Variants in HNF4A observed in about 807,000 individuals in gnomAD.
HNF4A encodes the protein hepatocyte nuclear factor 4-alpha.
HNF4A carries 15 observed loss-of-function variants against 52.4 expected under a neutral mutation model. The ratio of observed to expected loss-of-function variants is 0.29; its 90% CI spans 0.19 to 0.44. The LOEUF is 0.44. HNF4A is among the 20% of genes least tolerant of loss of function. The pLI is 1.00. For missense variants in HNF4A, 479 were observed against 647.2 expected (o/e 0.74, Z 2.82); for synonymous variants, 280 against 264.4 (o/e 1.06, Z -0.57).
At chr20:44,412,904 A>G (rs1568729592) in intron 3 of HNF4A, among the ~76,000 whole-genome samples, 1 of 152,088 alleles carries the variant, frequency 6.6e-6, no homozygotes, top group Non-Finnish European at 1.5e-5. Context: ...CGGCACACAG[A>G]GTGGCAGGTT....
chr20:44,361,684 A>T (rs1444221551), intron 1 of HNF4A, among the ~76,000 whole-genome samples: 1 of 151,850 alleles, frequency 6.6e-6, no homozygotes, highest in Non-Finnish European at 1.5e-5. Context: ...TCTCAAAACC[A>T]AACCAAAACA....
intron 3 of HNF4A, among the ~76,000 whole-genome samples, chr20:44,412,576 C>A (rs1220194389): frequency 6.6e-6 from 1 of 152,020 alleles, no homozygotes; most frequent in Non-Finnish European, 1.5e-5. Context: ...TTGGAAGGCA[C>A]TGGTTTTGAG....
In HNF4A at chr20:44,407,381, A is replaced by T. The variant is rs1197867718; in HGVS notation, c.291A>T (p.Arg97Ser). The stretch of plus-strand genomic sequence containing the variant: ...TCCAACCATCCAAAGCCCTCCCCAG[A>T]TTTAGCCGGCAGTGCGTGGTGGACA... The change falls in exon 3 of 10, where the codon AGA becomes AGT. Residue 97 changes from arginine (R) to serine (S), a missense_variant and splice_region_variant. Physicochemically the swap from Arg to Ser is moderately radical, Grantham distance 110. This residue lies in a region of HNF4A where 389 missense variants were observed against 525.1 expected (regional missense o/e 0.74). Coordinates refer to ENST00000316099, the MANE Select transcript of HNF4A (RefSeq NM_000457.6). The T allele has an allele frequency of 6.2e-7, 1 of 1,609,064 alleles. No individual in the cohort carries two copies. The highest frequency in any genetic ancestry group is 8.5e-7 in the Non-Finnish European group (1 of 1,177,298).
rs1490937057 is a variant in HNF4A at position 44,404,911 on chromosome 20, G to A, written c.116-1147G>A. On this transcript the variant is annotated intron_variant, in intron 1 of 9. Transcript: ENST00000316099. ...GTGTGTGAACTGTGGTGTGTGTGGT[G>A]TGTGTGTGCTTGTGTGTGGTGTGTG... Among the ~76,000 whole-genome samples, 2 of 69,246 alleles carry A rather than the reference G, an allele frequency of 2.9e-5. 1 individual carries two copies. Among genetic ancestry groups the A allele is most frequent in the Non-Finnish European group, 5.8e-5 (2 of 34,502 alleles). The allele number at this position is 69,246 out of a possible 152,430, so 45.4% of individuals were successfully genotyped here. A position where few individuals can be genotyped will look rare whatever the true frequency, so the allele number is the denominator to read the frequency against.
intron 1 of HNF4A, among the ~76,000 whole-genome samples, chr20:44,360,763 C>T (rs1243947773): frequency 6.6e-6 from 1 of 152,200 alleles, no homozygotes; most frequent in African/African-American, 2.4e-5. Context: ...TGACCAATAG[C>T]ATCAGCTTGA....
At chr20:44,387,077 T>C (rs2063233797) in intron 1 of HNF4A, among the ~76,000 whole-genome samples, 1 of 151,184 alleles carries the variant, frequency 6.6e-6, no homozygotes, top group Admixed American at 6.6e-5. Context: ...CCGAGGTGGG[T>C]GGATCACCTG....
At chr20:44,362,589 A>G (rs1433243623) in intron 1 of HNF4A, among the ~76,000 whole-genome samples, 1 of 152,012 alleles carries the variant, frequency 6.6e-6, no homozygotes. Flanking sequence ...TGGCTATTTG[A>G]TATGTTTTCT....
chr20:44,419,722 C>A lies in HNF4A; in HGVS notation c.738C>A (p.Gly246=), dbSNP rs748537070. The A allele has an allele frequency of 1.9e-6, 3 of 1,613,832 alleles. No homozygotes were observed. Among genetic ancestry groups the A allele is most frequent in the East Asian group, 2.2e-5 (1 of 44,878 alleles). ...CTCCCTCCCTCCCAACCCTTCCAGG[C>A]AATGACTACATTGTCCCTCGGCACT... The change falls in exon 7 of 10, where the codon GGC becomes GGA. Residue 246 remains glycine, a splice_region_variant and synonymous_variant. Coordinates refer to ENST00000316099, the MANE Select transcript of HNF4A (RefSeq NM_000457.6).
chr20:44,387,660 G>GT (rs1191497316), intron 1 of HNF4A, among the ~76,000 whole-genome samples: 2 of 96,424 alleles, frequency 2.1e-5, no homozygotes, highest in East Asian at 3.0e-4. Flanking sequence ...GCAGGCGGGG[G>GT]GGGGGGGAGG....
chr20:44,416,613 C>A (rs1470174134), intron 5 of HNF4A, among the ~76,000 whole-genome samples: 1 of 152,220 alleles, frequency 6.6e-6, no homozygotes, highest in Non-Finnish European at 1.5e-5. Context: ...CTGTTTTCCT[C>A]ACAGGTTTCT....
intron 2 of HNF4A, 143 bp downstream of exon 2, chr20:44,406,375 T>C (rs1038806235): frequency 1.4e-5 from 10 of 719,844 alleles, no homozygotes; most frequent in Admixed American, 2.4e-5. Flanking sequence ...GTAAAAGACT[T>C]TGTGAATCCA....
chr20:44,397,481 ATCTTC>A (rs1438936218), upstream of HNF4A, among the ~76,000 whole-genome samples: 1 of 152,144 alleles, frequency 6.6e-6, no homozygotes, highest in Admixed American at 6.5e-5. Context: ...TACATTTCAG[ATCTTC>A]TCTTCTGGCT....
Position 44,385,869 on chromosome 20 carries a change from G to GT in HNF4A, c.50-20181dup, listed in dbSNP as rs771753314. 5.1e-3 allele frequency among the ~76,000 whole-genome samples: 764 copies of GT among 151,032 alleles called. 3 individuals are homozygous for GT. The highest frequency in any genetic ancestry group is 5.5e-3 in the Non-Finnish European group (374 of 67,726). On this transcript the variant is annotated intron_variant, in intron 1 of 9. Transcript: ENST00000316673. ...CCCCAGGCATCTGATTTTTTTTGTT[G>GT]TTTTTTTTAAGGCAGGGTCTCGCTC... is the stretch of plus-strand genomic sequence containing the variant.
intron 1 of HNF4A, among the ~76,000 whole-genome samples, chr20:44,373,231 C>T (rs1222962535): frequency 6.6e-6 from 1 of 152,128 alleles, no homozygotes; most frequent in Non-Finnish European, 1.5e-5. Context: ...CCCACTACAG[C>T]CTCAAATTCC....
intron 1 of HNF4A, among the ~76,000 whole-genome samples, chr20:44,361,553 T>G (rs1405669009): frequency 2.6e-5 from 4 of 152,062 alleles, no homozygotes; most frequent in Admixed American, 2.0e-4. Context: ...CCCAGCACTT[T>G]GGGAGGCCAA....
At chr20:44,411,871 C>A (rs1348251809) in intron 3 of HNF4A, among the ~76,000 whole-genome samples, 6 of 151,442 alleles carry the variant, frequency 4.0e-5, no homozygotes, top group African/African-American at 1.5e-4. Context: ...GCCTGGGCAA[C>A]CTAATGAGAC....
intron 1 of HNF4A, among the ~76,000 whole-genome samples, chr20:44,360,376 A>G (rs2062903974): frequency 6.6e-6 from 1 of 152,096 alleles, no homozygotes; most frequent in Non-Finnish European, 1.5e-5. Flanking sequence ...AGATGGGTGG[A>G]TGGATTAATA....
intron 1 of HNF4A, chr20:44,390,770 C>A: frequency 1.5e-6 from 1 of 667,062 alleles, no homozygotes; most frequent in Non-Finnish European, 2.7e-6. Context: ...AGACTGGGAG[C>A]AGTGTGGAGG....
chr20:44,426,543 C>T (rs1429901366), intron 8 of HNF4A, among the ~76,000 whole-genome samples: 1 of 152,054 alleles, frequency 6.6e-6, no homozygotes, highest in Non-Finnish European at 1.5e-5. Context: ...GTGGCTCACA[C>T]CTGTAATCCT....
Sources: gnomAD v4.1 joint callset for allele counts (sites outside exome capture counted in the v4.1 genomes callset) on GRCh38, gnomAD v4.1.1 for gene constraint, gnomAD v4.1.1 regional missense constraint, MANE v1.5 for transcripts, NCBI Gene and HGNC (gene_info 2026-07-23, HGNC 2026-07-21) for gene names.